DYRK4: variants seen among roughly 807,000 people sequenced by gnomAD.
The protein encoded by DYRK4 is dual specificity tyrosine phosphorylation regulated kinase 4.
Under a neutral mutation model 68.3 loss-of-function variants are expected in DYRK4, and 64 were observed. That is an observed-to-expected ratio of 0.94 (90% CI 0.77 to 1.15). The LOEUF (loss-of-function observed/expected upper bound fraction) is 1.15, where lower values mean the gene tolerates loss of function less well. Ranked by LOEUF, DYRK4 falls within the 50% of genes most tolerant of loss-of-function variation. The pLI, the probability that DYRK4 is intolerant of heterozygous loss-of-function variation, is 0.00. For synonymous variants in DYRK4, 274 were observed against 289.9 expected (o/e 0.95, Z 0.56); for missense variants, 740 against 764.7 (o/e 0.97, Z 0.38).
At chr12:4,601,570 A>C (rs538286147) in intron 10 of DYRK4, among the ~76,000 whole-genome samples, 3 of 152,358 alleles carry the variant, frequency 2.0e-5, no homozygotes, top group Admixed American at 1.3e-4. Context: ...TGGAAAAAAA[A>C]CTGAATAATG....
At position 4,612,355 on chromosome 12, in the gene DYRK4, A is replaced by G. The variant is rs183730485; in HGVS notation, c.1491-188A>G. ...CCCTGGCTTGTTATACACATCTTCT[A>G]AAAAGATTATTTCCATTAGTTGTTT... On this transcript the variant is annotated intron_variant, in intron 13 of 14. Coordinates refer to ENST00000543431, the MANE Select transcript of DYRK4 (RefSeq NM_001394779.1). 3.5e-3 allele frequency among the ~76,000 whole-genome samples: 527 copies of G among 152,352 alleles called. 3 individuals are homozygous for G. Among genetic ancestry groups the G allele is most frequent in the Admixed American group, 6.5e-3 (100 of 15,302 alleles).
At position 4,596,729 on chromosome 12, in the gene DYRK4, G is replaced by C. The variant is rs916775083; in HGVS notation, c.905G>C (p.Gly302Ala). Residue 302 changes from glycine (G) to alanine (A), a missense_variant and splice_region_variant, in exon 8 of 15, where the codon GGA becomes GCA. Gly to Ala is a moderately conservative substitution (Grantham distance 60). Transcript: ENST00000543431. Reference sequence around the variant, plus strand: ...TTCTGCATCACCTTTGAGCTCCTGGGGTCAGCTGCCTTTTCTTCTTAACTC... The same window carrying C: ...TTCTGCATCACCTTTGAGCTCCTGGCGTCAGCTGCCTTTTCTTCTTAACTC... ...NHFCITFELLGINLYELMKNN... is the reference protein window; with the variant it reads ...NHFCITFELLAINLYELMKNN... 1.9e-6 allele frequency: 3 copies of C among 1,613,276 alleles called. No individual in the cohort carries two copies. In the African/African-American group the frequency reaches 4.0e-5, roughly 22 times the overall value.
At chr12:4,583,350 C>T (rs950313917) in intron 2 of DYRK4, among the ~76,000 whole-genome samples, 9 of 152,038 alleles carry the variant, frequency 5.9e-5, no homozygotes, top group African/African-American at 2.2e-4. Context: ...GGAATGTTCT[C>T]CCATCACCCA....
chr12:4,592,749 T>G (rs1944971061), intron 5 of DYRK4: 6 of 387,384 alleles, frequency 1.5e-5, no homozygotes, highest in Non-Finnish European at 2.8e-5. Flanking sequence ...AACCCCCAGG[T>G]GTTTGGGAAC....
intron 2 of DYRK4, among the ~76,000 whole-genome samples, chr12:4,586,524 T>A (rs984143034): frequency 6.6e-6 from 1 of 152,054 alleles, no homozygotes; most frequent in African/African-American, 2.4e-5. Flanking sequence ...GAATTAAGTG[T>A]TTTTATGGGG....
At chr12:4,607,191 A>G in intron 11 of DYRK4, 136 bp from the exon 12 acceptor site, 3 of 919,774 alleles carry the variant, frequency 3.3e-6, no homozygotes, top group African/African-American at 1.7e-5. Context: ...TTGCTCTGCT[A>G]CTGACCAGAT....
chr12:4,604,852 G>A (rs2286575), intron 10 of DYRK4, 62 bp from the exon 11 acceptor site: 73,946 of 1,491,880 alleles, frequency 0.05, 4,131 homozygotes, highest in East Asian at 0.27. Flanking sequence ...TTGTCCTGGG[G>A]GAGAGCGTTC....
intron 10 of DYRK4, chr12:4,602,861 G>T: frequency 9.1e-7 from 1 of 1,092,934 alleles, no homozygotes; most frequent in Non-Finnish European, 1.4e-6. Context: ...ACATCACTGT[G>T]ACAGTTTCCC....
At chr12:4,586,705 TACACACACAC>T (rs527544594) in intron 2 of DYRK4, among the ~76,000 whole-genome samples, 1 of 77,588 alleles carries the variant, frequency 1.3e-5, no homozygotes, top group African/African-American at 4.5e-5. Flanking sequence ...CTGGGCTGCG[TACACACACAC>T]ACACACACAC....
chr12:4,570,254 T>TA (rs1944717680), intron 2 of DYRK4, among the ~76,000 whole-genome samples: 6 of 149,986 alleles, frequency 4.0e-5, no homozygotes, highest in Admixed American at 2.0e-4. Flanking sequence ...TAAATAAAAT[T>TA]TAAAAAAAAA....
chr12:4,565,792 A>C (rs1944670591), intron 1 of DYRK4, among the ~76,000 whole-genome samples: 1 of 151,780 alleles, frequency 6.6e-6, no homozygotes, highest in Admixed American at 6.6e-5. Context: ...CACACAGCTA[A>C]CTTCTTTTGT....
At chr12:4,608,114 A>T (rs147877906) in intron 12 of DYRK4, among the ~76,000 whole-genome samples, 26 of 152,342 alleles carry the variant, frequency 1.7e-4, no homozygotes, top group Non-Finnish European at 3.1e-4. Context: ...CACCAAAAAG[A>T]TGCAGCAAAT....
At position 4,613,451 on chromosome 12, in the gene DYRK4, G is replaced by A; in HGVS notation, c.1667-64G>A. On this transcript the variant is annotated intron_variant, in intron 14 of 14. Transcript: ENST00000543431. The surrounding 1 kb of genome is among the most constrained non-coding windows in gnomAD (Gnocchi z 4.0). ...TCCACTAAGTGATGTACAACCTAAA[G>A]GACAATTAACATATAATCCACATTT... The A allele has an allele frequency of 6.5e-7, 1 of 1,547,244 alleles. No individual in the cohort carries two copies. The highest frequency in any genetic ancestry group is 1.4e-5 in the African/African-American group (1 of 73,328).
In DYRK4 at chr12:4,568,018, A is replaced by C; in HGVS notation, c.102A>C (p.Ala34=). 6.5e-7 allele frequency: 1 copy of C among 1,536,180 alleles called. No individual in the cohort carries two copies. Among genetic ancestry groups the C allele is most frequent in the East Asian group, 2.4e-5 (1 of 40,918 alleles). Residue 34 remains alanine (A), a synonymous_variant, in exon 2 of 15, where the codon GCA becomes GCC. Transcript: ENST00000543431. ...TGACTCCCTTCCTGGTTTTGAAAGCAAGAAAGAAACAAAAGTTCACCTCTG... is the reference window on the plus strand; with the variant it reads ...TGACTCCCTTCCTGGTTTTGAAAGCCAGAAAGAAACAAAAGTTCACCTCTG... ...CDLTPFLVLK[A]RKKQKFTSAK...
At chr12:4,569,879 TGTTGCAGTTACGATGACGGG>T (rs1169046054) in intron 2 of DYRK4, among the ~76,000 whole-genome samples, 1 of 152,124 alleles carries the variant, frequency 6.6e-6, no homozygotes, top group Admixed American at 6.5e-5. Flanking sequence ...AAGCAAACTC[TGTTGCAGTTACGATGACGGG>T]AATTGTCAAA....
Position 4,596,201 on chromosome 12 carries a change from A to T in DYRK4, c.680A>T (p.Lys227Met). The change falls in exon 7 of 15, where the codon AAG (lysine) becomes ATG (methionine). Residue 227 changes from lysine (K) to methionine (M), a missense_variant. Physicochemically the swap from Lys to Met is moderately conservative, Grantham distance 95 (BLOSUM62 -1). Coordinates refer to ENST00000543431, the MANE Select transcript of DYRK4 (RefSeq NM_001394779.1). ...TATGAAGTTCTGGAGACAATCGGGA[A>T]GGGGTCCTTTGGACAGGTGGCCAAG... ...YRYEVLETIGKGSFGQVAKCL... is the reference protein window; with the variant it reads ...YRYEVLETIGMGSFGQVAKCL... 1.9e-6 allele frequency: 3 copies of T among 1,614,238 alleles called. No homozygotes were observed. Among genetic ancestry groups the T allele is most frequent in the Non-Finnish European group, 2.5e-6 (3 of 1,180,042 alleles).
chr12:4,568,111 G>A (rs1325094203), intron 2 of DYRK4, 63 bp downstream of exon 2: 3 of 1,413,604 alleles, frequency 2.1e-6, no homozygotes, highest in Non-Finnish European at 2.9e-6. Context: ...AGGGACTCAG[G>A]ACCCAGTGCT....
intron 2 of DYRK4, among the ~76,000 whole-genome samples, chr12:4,583,161 A>T (rs1944861117): frequency 6.6e-6 from 1 of 152,152 alleles, no homozygotes; most frequent in Non-Finnish European, 1.5e-5. Context: ...TCCATGACCG[A>T]GGCTAGAGTG....
intron 2 of DYRK4, chr12:4,572,957 GAA>G: frequency 4.2e-6 from 1 of 239,704 alleles, no homozygotes; most frequent in Non-Finnish European, 8.2e-6. Context: ...CTTCCTATAC[GAA>G]AAGCAGGAAC....
Sources: allele counts gnomAD v4.1 joint callset (sites outside exome capture counted in the v4.1 genomes callset), GRCh38; gene constraint gnomAD v4.1.1; non-coding constraint Gnocchi (gnomAD v3.1); transcripts MANE v1.5; gene names NCBI Gene and HGNC (gene_info 2026-07-23, HGNC 2026-07-21).